PIK3C2G: variants seen among roughly 807,000 people sequenced by gnomAD.
PIK3C2G encodes phosphatidylinositol-4-phosphate 3-kinase catalytic subunit type 2 gamma, also known as phosphatidylinositol 3-kinase C2 domain-containing subunit gamma.
Under a neutral mutation model 181.1 loss-of-function variants are expected in PIK3C2G, and 168 were observed. The observed-to-expected ratio is 0.93, with a 90% confidence interval of 0.82 to 1.05. The LOEUF is 1.05. PIK3C2G is among the 50% of genes least tolerant of loss of function. The pLI is 0.00. For synonymous variants in PIK3C2G, 573 were observed against 592.2 expected, an observed-to-expected ratio of 0.97 and a Z score of 0.47; for missense variants, 1,869 against 1,732.8, an observed-to-expected ratio of 1.08 and a Z score of -1.40.
At chr12:18,395,287 T>G (rs1241136067) in intron 15 of PIK3C2G, among the ~76,000 whole-genome samples, 3 of 150,790 alleles carry the variant, frequency 2.0e-5, no homozygotes, top group African/African-American at 7.3e-5. Flanking sequence ...ATTAATATTA[T>G]GATGTTCTAT....
chr12:18,527,316 C>T (rs1202476465), intron 24 of PIK3C2G, among the ~76,000 whole-genome samples: 3 of 152,084 alleles, frequency 2.0e-5, no homozygotes, highest in Non-Finnish European at 4.4e-5. Flanking sequence ...ATGTAGTATC[C>T]AACTAAAGAA....
intron 26 of PIK3C2G, among the ~76,000 whole-genome samples, chr12:18,550,605 T>C (rs911083690): frequency 6.6e-6 from 1 of 152,058 alleles, no homozygotes; most frequent in Non-Finnish European, 1.5e-5. Context: ...AGATAGATAA[T>C]TGATAAAAGT....
chr12:18,250,632 C>G (rs78168160), intron 1 of PIK3C2G, among the ~76,000 whole-genome samples: 2,808 of 152,140 alleles, frequency 0.018, 85 homozygotes, highest in African/African-American at 0.064. Flanking sequence ...TGCCCTACTG[C>G]CCTTTCCTTG....
At chr12:18,617,489 T>C (rs752509614) in intron 31 of PIK3C2G, among the ~76,000 whole-genome samples, 2 of 152,180 alleles carry the variant, frequency 1.3e-5, no homozygotes, top group African/African-American at 4.8e-5. Context: ...ATTCACAAAA[T>C]AGTAAACTGA....
upstream of PIK3C2G, among the ~76,000 whole-genome samples, chr12:18,245,654 C>T (rs1280747835): frequency 2.0e-5 from 3 of 151,926 alleles, no homozygotes; most frequent in Non-Finnish European, 4.4e-5. Flanking sequence ...GGTTGCTAGT[C>T]GTTATACATT....
chr12:18,457,885 T>C (rs1947712728), intron 18 of PIK3C2G, among the ~76,000 whole-genome samples: 2 of 152,202 alleles, frequency 1.3e-5, no homozygotes, highest in Non-Finnish European at 2.9e-5. Flanking sequence ...TATTATTTAA[T>C]TAGAATCTAA....
intron 14 of PIK3C2G, among the ~76,000 whole-genome samples, chr12:18,390,548 T>C (rs1049443347): frequency 7.2e-5 from 11 of 152,154 alleles, no homozygotes; most frequent in Non-Finnish European, 1.3e-4. Context: ...GAACTGTCTA[T>C]AAATCTGAAC....
Position 18,398,970 on chromosome 12 carries a change from C to T in PIK3C2G, c.2127-689C>T, listed in dbSNP as rs200960861. 1.1e-3 allele frequency among the ~76,000 whole-genome samples: 161 copies of T among 151,678 alleles called. 2 individuals carry two copies. In the East Asian group the frequency reaches 0.023, roughly 22 times the overall value. On this transcript the variant is annotated intron_variant, in intron 15 of 32. Transcript: ENST00000538779. ...CAGCACTTTGGGAGGCCGAGGCGGG[C>T]GGATCACGAGGTCAGGAGATCGAGA...
downstream of PIK3C2G, among the ~76,000 whole-genome samples, chr12:18,650,364 T>A: frequency 7.0e-6 from 1 of 142,460 alleles, no homozygotes. Flanking sequence ...TGTGTGTGTG[T>A]GTGTGTGTGT....
chr12:18,268,821 C>T (rs1037321266), intron 1 of PIK3C2G, among the ~76,000 whole-genome samples: 54 of 152,040 alleles, frequency 3.6e-4, no homozygotes, highest in Non-Finnish European at 8.8e-5. Context: ...ATTTGCCTTC[C>T]AAAAAATTTC....
downstream of PIK3C2G, among the ~76,000 whole-genome samples, chr12:18,650,322 TCTCTCTC>T (rs1950373896): frequency 9.4e-6 from 1 of 106,464 alleles, no homozygotes; most frequent in Non-Finnish European, 1.9e-5. Context: ...TCTCTCTCTC[TCTCTCTC>T]TCTATATATA....
chr12:18,687,252 T>C, the PIK3C2G span, among the ~76,000 whole-genome samples: 1 of 152,140 alleles, frequency 6.6e-6, no homozygotes, highest in Non-Finnish European at 1.5e-5. Context: ...ACTATGGACA[T>C]TGTTAGAAAT....
At chr12:18,544,568 A>G (rs1407932265) in intron 25 of PIK3C2G, among the ~76,000 whole-genome samples, 22 of 151,874 alleles carry the variant, frequency 1.4e-4, no homozygotes. Context: ...TAATAGAATG[A>G]AGTAATTGAT....
At chr12:18,385,481 A>G (rs1943106287) in intron 14 of PIK3C2G, among the ~76,000 whole-genome samples, 1 of 152,180 alleles carries the variant, frequency 6.6e-6, no homozygotes, top group African/African-American at 2.4e-5. Flanking sequence ...AATGCAATCT[A>G]GTGGAACAGC....
intron 9 of PIK3C2G, 24 bp from the exon 10 acceptor site, chr12:18,343,303 G>C (rs1173095883): frequency 1.6e-6 from 2 of 1,255,932 alleles, no homozygotes; most frequent in Non-Finnish European, 2.2e-6. Flanking sequence ...CGAATAACAA[G>C]TATAATTTTA....
At chr12:18,584,244 A>G (rs551558624) in intron 29 of PIK3C2G, among the ~76,000 whole-genome samples, 26 of 151,626 alleles carry the variant, frequency 1.7e-4, no homozygotes, top group African/African-American at 4.8e-4. Context: ...TGTGGTCTCG[A>G]TCTCCTGATC....
At chr12:18,357,440 A>G (rs1357785172) in intron 11 of PIK3C2G, among the ~76,000 whole-genome samples, 1 of 152,162 alleles carries the variant, frequency 6.6e-6, no homozygotes, top group African/African-American at 2.4e-5. Flanking sequence ...TAGTTATCCT[A>G]TGAATTCATT....
At chr12:18,341,995 A>G (rs1033265255) in intron 9 of PIK3C2G, among the ~76,000 whole-genome samples, 1 of 152,160 alleles carries the variant, frequency 6.6e-6, no homozygotes, top group African/African-American at 2.4e-5. Flanking sequence ...AACAATTTGC[A>G]TCCTTCAAAT....
At chr12:18,468,201 A>T (rs1427292819) in intron 18 of PIK3C2G, among the ~76,000 whole-genome samples, 1 of 151,948 alleles carries the variant, frequency 6.6e-6, no homozygotes, top group African/African-American at 2.4e-5. Flanking sequence ...TTAAGCTTGC[A>T]TTCTGGAGTT....
Sources: allele counts gnomAD v4.1 joint callset (sites outside exome capture counted in the v4.1 genomes callset), GRCh38; gene constraint gnomAD v4.1.1; transcripts MANE v1.5; gene names NCBI Gene and HGNC (gene_info 2026-07-23, HGNC 2026-07-21).